Variants in IFI6 observed in about 807,000 individuals in gnomAD.
The protein encoded by IFI6 is interferon alpha inducible protein 6.
In IFI6, 10 loss-of-function variants were observed where a neutral mutation model predicts 12.7. The observed-to-expected ratio is 0.79, with a 90% CI of 0.49 to 1.33. The LOEUF is 1.33. IFI6 is among the 40% of genes most tolerant of loss of function. IFI6 has a pLI of 0.00. For synonymous variants in IFI6, 89 were observed against 86.2 expected (o/e 1.03, Z -0.18); for missense variants, 154 against 180.4 (o/e 0.85, Z 0.84).
At chr1:27,667,524 T>C (rs1255054465) in intron 4 of IFI6, among the ~76,000 whole-genome samples, 1 of 152,208 alleles carries the variant, frequency 6.6e-6, no homozygotes, top group Non-Finnish European at 1.5e-5. Flanking sequence ...CAAGACCAGT[T>C]TGGTGTGAGA....
At chr1:27,671,619 C>T (rs866020319) in intron 1 of IFI6, among the ~76,000 whole-genome samples, 14 of 151,884 alleles carry the variant, frequency 9.2e-5, no homozygotes, top group South Asian at 8.4e-4. Flanking sequence ...ATCTCCTGAC[C>T]TCGTGATCCG....
chr1:27,667,933 T>C (rs1389380105), intron 4 of IFI6, among the ~76,000 whole-genome samples: 1 of 152,140 alleles, frequency 6.6e-6, no homozygotes, highest in Non-Finnish European at 1.5e-5. Flanking sequence ...TAGCCGGGCG[T>C]GGTGGCGTGT....
Position 27,669,278 on chromosome 1 carries a change from G to A in IFI6, c.37C>T (p.Leu13=), listed in dbSNP as rs1197148055. ...QKAVSLFLCY[L]LLFTCSGVEA... ...ACCCCACTGCAAGTGAAGAGCAGCA[G>A]GTAGCACAAGAAAAGCGATACCGCC... Residue 13 remains leucine (L), a synonymous_variant, in exon 2 of 5, where the codon CTG becomes TTG. Coordinates refer to ENST00000361157, the MANE Select transcript of IFI6 (RefSeq NM_002038.4). The A allele has an allele frequency of 1.0e-5, 16 of 1,552,144 alleles. No individual in the cohort carries two copies. The highest frequency in any genetic ancestry group is 1.0e-5 in the Non-Finnish European group (12 of 1,147,220).
intron 1 of IFI6, chr1:27,670,116 C>A (rs546508945): frequency 2.0e-5 from 3 of 152,298 alleles, no homozygotes; most frequent in Admixed American, 2.0e-4. Context: ...TTCAGTCCCC[C>A]AGACTGCCAA....
rs372383819 is a variant in IFI6, at chr1:27,669,356, G to C, written c.-32-10C>G. The C allele has an allele frequency of 9.5e-5, 144 of 1,519,026 alleles. No individual in the cohort carries two copies. Among genetic ancestry groups the C allele is most frequent in the East Asian group, 9.3e-4 (38 of 40,818 alleles). 94.1% of individuals were successfully genotyped at this position (1,519,026 alleles called of 1,614,324 possible). ...GGCTCCGTCACTAGACCTGCGAACG[G>C]GCGAGAGGGAGATGGTCCCCGGAGC... On this transcript the variant is annotated splice_polypyrimidine_tract_variant and intron_variant, in intron 1 of 4. Transcript: ENST00000361157.
intron 4 of IFI6, 109 bp downstream of exon 4, chr1:27,668,113 CTACT>C: frequency 1.0e-6 from 1 of 980,338 alleles, no homozygotes; most frequent in Non-Finnish European, 1.4e-6. Context: ...TCCTGGTAAA[CTACT>C]TAATTACTTG....
At chr1:27,666,543 A>T in intron 4 of IFI6, 68 bp from the exon 5 acceptor site, 2 of 1,174,806 alleles carry the variant, frequency 1.7e-6, no homozygotes, top group East Asian at 4.7e-5. Context: ...ATGTCTGGAA[A>T]CCATTGGTTG....
intron 2 of IFI6, 112 bp from the exon 3 acceptor site, chr1:27,668,647 T>C: frequency 1.3e-6 from 1 of 784,226 alleles, no homozygotes; most frequent in South Asian, 1.7e-5. Context: ...ACCACTCTCC[T>C]ACTCAGAGAG....
At chr1:27,670,706 C>T (rs2090397856) in intron 1 of IFI6, among the ~76,000 whole-genome samples, 1 of 152,204 alleles carries the variant, frequency 6.6e-6, no homozygotes, top group African/African-American at 2.4e-5. Context: ...CCACTGGAGA[C>T]CTCCTTGTAT....
At position 27,668,091 on chromosome 1, in the gene IFI6, G is replaced by T. The variant is rs1167371374; in HGVS notation, c.298+135C>A. The stretch of plus-strand genomic sequence containing the variant: ...CTCTGTCTCAAAATAAATAAATAAA[G>T]AATCACTTAATTCCTGGTAAACTAC... On this transcript the variant is annotated intron_variant, in intron 4 of 4. Coordinates refer to ENST00000361157, the MANE Select transcript of IFI6 (RefSeq NM_002038.4). The T allele has an allele frequency of 2.6e-5, 23 of 873,542 alleles. No individual in the cohort carries two copies. The South Asian group carries it at 3.1e-4, about 12-fold the overall frequency. 54.1% of individuals were successfully genotyped at this position (873,542 alleles called of 1,614,324 possible).
chr1:27,667,869 G>T (rs1247201102), intron 4 of IFI6, among the ~76,000 whole-genome samples: 1 of 152,208 alleles, frequency 6.6e-6, no homozygotes, highest in Non-Finnish European at 1.5e-5. Context: ...TCAGGAGTTT[G>T]AGGCCAGCCT....
Position 27,672,125 on chromosome 1 carries a change from T to G in IFI6, c.-35A>C, listed in dbSNP as rs1039169211. On this transcript the variant is annotated splice_region_variant and 5_prime_UTR_variant, in exon 1 of 5. Coordinates refer to ENST00000361157, the MANE Select transcript of IFI6 (RefSeq NM_002038.4). ...CACTTCATAGCTCCTGAGTTTACCTTGGAGGAGAGAAGAGAAGCAATCTTC... is the reference window on the plus strand; with the variant it reads ...CACTTCATAGCTCCTGAGTTTACCTGGGAGGAGAGAAGAGAAGCAATCTTC... The G allele has an allele frequency of 3.9e-5, 6 of 152,222 alleles. No individual in the cohort carries two copies. The highest frequency in any genetic ancestry group is 1.4e-4 in the African/African-American group (6 of 41,450). 9.4% of individuals were successfully genotyped at this position (152,222 alleles called of 1,614,324 possible).
intron 1 of IFI6, among the ~76,000 whole-genome samples, chr1:27,671,421 C>T (rs938315301): frequency 4.8e-5 from 7 of 147,192 alleles, no homozygotes; most frequent in Admixed American, 2.1e-4. Flanking sequence ...TTCTCTGTCG[C>T]CCAGGCTGGA....
In IFI6 at chr1:27,666,477, T is replaced by C. The variant is rs112244191; in HGVS notation, c.299-2A>G. 1 of 1,611,542 alleles carries C rather than the reference T, an allele frequency of 6.2e-7. No individual in the cohort carries two copies. The highest frequency in any genetic ancestry group is 8.5e-7 in the Non-Finnish European group (1 of 1,178,292). On this transcript the variant is annotated splice_acceptor_variant, in intron 4 of 4. Transcript: ENST00000361157. LOFTEE classifies it high-confidence loss of function. The stretch of plus-strand genomic sequence containing the variant: ...TGACGACGCTGCTGCCACCAGCCCC[T>C]GTAAAGCAAACACAGATGAGTCACT...
rs746028853 is a variant in IFI6, at chr1:27,668,356, C to T, written c.168G>A (p.Leu56=). The change falls in exon 4 of 5, where the codon CTG becomes CTA. Residue 56 remains leucine, a synonymous_variant. Coordinates refer to ENST00000361157, the MANE Select transcript of IFI6 (RefSeq NM_002038.4). ...CGGCGCCGGTGAAGCCCAGCGCGGGCAGCCCGGCGACTGCGAGTCCTGGAG... is the reference window on the plus strand; with the variant it reads ...CGGCGCCGGTGAAGCCCAGCGCGGGTAGCCCGGCGACTGCGAGTCCTGGAG... ...AVGGGLAVAG[L]PALGFTGAGI... is the part of the protein sequence containing the mutation. 3.2e-6 allele frequency: 5 copies of T among 1,567,794 alleles called. No individual in the cohort carries two copies. In the African/African-American group the frequency reaches 5.5e-5, roughly 17 times the overall value.
chr1:27,666,547 T>C (rs1021098625), intron 4 of IFI6, 72 bp from the exon 5 acceptor site: 11 of 1,101,580 alleles, frequency 1.0e-5, no homozygotes, highest in Middle Eastern at 2.2e-4. Flanking sequence ...CTGGAAACCA[T>C]TGGTTGAGTC....
intron 4 of IFI6, among the ~76,000 whole-genome samples, chr1:27,666,809 C>T (rs2090355350): frequency 1.3e-5 from 2 of 152,140 alleles, no homozygotes; most frequent in African/African-American, 4.8e-5. Context: ...CTTGTCACAG[C>T]TATGTGCCAT....
At position 27,669,541 on chromosome 1, in the gene IFI6, G is replaced by C; in HGVS notation, c.-32-195C>G. On this transcript the variant is annotated intron_variant, in intron 1 of 4. Transcript: ENST00000361157. The stretch of plus-strand genomic sequence containing the variant: ...GGCAGAGATGTCCCTGCCCCAACCG[G>C]TGGGTGTGCGGATTCTGTGCGGATT... 5.6e-6 allele frequency: 3 copies of C among 533,272 alleles called. No homozygotes were observed. In the South Asian group the frequency reaches 6.0e-5, roughly 11 times the overall value. 33.0% of individuals were successfully genotyped at this position (533,272 alleles called of 1,614,324 possible).
intron 4 of IFI6, 65 bp from the exon 5 acceptor site, chr1:27,666,540 G>A: frequency 2.5e-6 from 3 of 1,193,646 alleles, no homozygotes; most frequent in South Asian, 2.5e-5. Flanking sequence ...CAAATGTCTG[G>A]AAACCATTGG....
Sources: gnomAD v4.1 joint callset for allele counts (sites outside exome capture counted in the v4.1 genomes callset) on GRCh38, gnomAD v4.1.1 for gene constraint, MANE v1.5 for transcripts, NCBI Gene and HGNC (gene_info 2026-07-23, HGNC 2026-07-21) for gene names.